Variants in TRAPPC9 observed in about 807,000 individuals in gnomAD.
TRAPPC9 encodes IKK2 binding protein.
Under a neutral mutation model 124.0 loss-of-function variants are expected in TRAPPC9, and 83 were observed. The ratio of observed to expected loss-of-function variants is 0.67; its 90% CI spans 0.56 to 0.80. The LOEUF is 0.80. Among genes scored for constraint, TRAPPC9 ranks in the 30% least tolerant of loss-of-function variants. The probability of loss-of-function intolerance (pLI) is 0.00; values close to 1 mark genes in which losing one functional copy is unlikely to be tolerated. For synonymous variants in TRAPPC9, 638 were observed against 617.5 expected (o/e 1.03, Z -0.49); for missense variants, 1,302 against 1,508.3 (o/e 0.86, Z 2.27).
At chr8:140,272,494 G>A (rs1292457189) in intron 15 of TRAPPC9, among the ~76,000 whole-genome samples, 3 of 150,328 alleles carry the variant, frequency 2.0e-5, no homozygotes, top group Non-Finnish European at 4.4e-5. Context: ...TGGCAGCGGT[G>A]ATGCCGGTGG....
chr8:139,727,849 G>C lies in TRAPPC9; in HGVS notation c.*3212C>G, dbSNP rs533941994. 2.6e-5 allele frequency among the ~76,000 whole-genome samples: 4 copies of C among 152,226 alleles called. No homozygotes were observed. In the South Asian group the frequency reaches 8.3e-4, roughly 32 times the overall value. ...TTACCTAATACATTAAGCCATGCAG[G>C]GGACTAACGGAGCATAGCAATGTGG... On this transcript the variant is annotated 3_prime_UTR_variant, in exon 23 of 23. Transcript: ENST00000438773.
intron 16 of TRAPPC9, among the ~76,000 whole-genome samples, chr8:140,235,825 A>G (rs1048287309): frequency 6.6e-6 from 1 of 152,224 alleles, no homozygotes; most frequent in South Asian, 2.1e-4. Context: ...TAACAGCCCA[A>G]AAGTAAAAAC....
intron 2 of TRAPPC9, among the ~76,000 whole-genome samples, chr8:140,446,281 A>G (rs1309463846): frequency 1.6e-5 from 2 of 127,312 alleles, no homozygotes; most frequent in Non-Finnish European, 3.3e-5. Context: ...GCGAAAGAGT[A>G]AGACTCTGTC....
intron 7 of TRAPPC9, among the ~76,000 whole-genome samples, chr8:140,387,181 G>A (rs2068777505): frequency 6.6e-6 from 1 of 152,140 alleles, no homozygotes; most frequent in Admixed American, 6.5e-5. Flanking sequence ...ATGGATTAAA[G>A]ACTTAAATGT....
chr8:140,048,194 A>C (rs1841745580), intron 17 of TRAPPC9, among the ~76,000 whole-genome samples: 1 of 152,252 alleles, frequency 6.6e-6, no homozygotes, highest in African/African-American at 2.4e-5. Context: ...CTTGTCTAGA[A>C]GATGAGGCAG....
chr8:140,437,154 TA>T (rs1443259532), intron 3 of TRAPPC9, among the ~76,000 whole-genome samples: 262 of 118,544 alleles, frequency 2.2e-3, no homozygotes, highest in African/African-American at 6.5e-3. Flanking sequence ...TATTTTATTT[TA>T]TTTTATTTTG....
intron 2 of TRAPPC9, among the ~76,000 whole-genome samples, chr8:140,449,021 T>G (rs2071366184): frequency 2.0e-5 from 3 of 152,172 alleles, no homozygotes; most frequent in Non-Finnish European, 4.4e-5. Flanking sequence ...TATGCACATT[T>G]GGGTGAAGAA....
At chr8:140,134,619 T>C (rs1180432909) in intron 17 of TRAPPC9, among the ~76,000 whole-genome samples, 2 of 152,188 alleles carry the variant, frequency 1.3e-5, no homozygotes, top group Non-Finnish European at 2.9e-5. Flanking sequence ...CACCAAATAT[T>C]ACTGGTACAA....
chr8:139,781,456 A>T (rs980768766), intron 21 of TRAPPC9, among the ~76,000 whole-genome samples: 3 of 152,220 alleles, frequency 2.0e-5, no homozygotes, highest in Admixed American at 6.5e-5. Flanking sequence ...AGGCCAAACA[A>T]TAGGGGTTAG....
intron 21 of TRAPPC9, among the ~76,000 whole-genome samples, chr8:139,738,898 C>T (rs1336989868): frequency 2.0e-5 from 3 of 152,098 alleles, no homozygotes; most frequent in Admixed American, 6.5e-5. Context: ...TTGGAATGGT[C>T]GCACCTTCCT....
chr8:140,320,956 T>A (rs2066576330), intron 9 of TRAPPC9, among the ~76,000 whole-genome samples: 1 of 152,228 alleles, frequency 6.6e-6, no homozygotes, highest in African/African-American at 2.4e-5. Flanking sequence ...CAACTTCCAC[T>A]TCTAGAGCAG....
At chr8:140,037,701 CACAG>C (rs1587556996) in intron 17 of TRAPPC9, among the ~76,000 whole-genome samples, 3 of 133,512 alleles carry the variant, frequency 2.2e-5, no homozygotes, top group East Asian at 2.2e-4. Flanking sequence ...CACACACGTA[CACAG>C]ACACACATAC....
intron 17 of TRAPPC9, chr8:140,096,499 T>C (rs1293769697): frequency 6.6e-6 from 1 of 152,020 alleles, no homozygotes; most frequent in African/African-American, 2.4e-5. Context: ...CCTGAATCCG[T>C]GAAAAGAAGG....
At chr8:140,000,455 A>G (rs548837111) in intron 18 of TRAPPC9, among the ~76,000 whole-genome samples, 12 of 152,326 alleles carry the variant, frequency 7.9e-5, no homozygotes, top group Admixed American at 2.6e-4. Flanking sequence ...AACCTACAGA[A>G]TGGGAGAAAA....
At chr8:140,390,468 G>A (rs917611741) in intron 7 of TRAPPC9, among the ~76,000 whole-genome samples, 2 of 152,288 alleles carry the variant, frequency 1.3e-5, no homozygotes, top group African/African-American at 2.4e-5. Flanking sequence ...CCCACAGCAC[G>A]GATATGGGGC....
intron 19 of TRAPPC9, among the ~76,000 whole-genome samples, chr8:139,985,167 T>C (rs993974167): frequency 1.3e-5 from 2 of 152,180 alleles, no homozygotes; most frequent in African/African-American, 4.8e-5. Flanking sequence ...CAAAAAAGCC[T>C]GAAGCACAAG....
chr8:139,954,952 G>A (rs909956498), intron 19 of TRAPPC9, among the ~76,000 whole-genome samples: 1 of 152,164 alleles, frequency 6.6e-6, no homozygotes, highest in Non-Finnish European at 1.5e-5. Context: ...AGTTAATCTG[G>A]TAATTTTATT....
At position 140,306,731 on chromosome 8, in the gene TRAPPC9, C is replaced by A. The variant is rs566336821; in HGVS notation, c.1622+4517G>T. ...CAGCCCTCTGCATCAGAAAGTGCCACAAGTCCAAGGAAGAGAACATGCAGT... is the reference window on the plus strand; with the variant it reads ...CAGCCCTCTGCATCAGAAAGTGCCAAAAGTCCAAGGAAGAGAACATGCAGT... On this transcript the variant is annotated intron_variant, in intron 10 of 22. Coordinates refer to ENST00000438773, the MANE Select transcript of TRAPPC9 (RefSeq NM_001160372.4). 6.6e-5 allele frequency among the ~76,000 whole-genome samples: 10 copies of A among 152,316 alleles called. No individual in the cohort carries two copies. In the South Asian group the frequency reaches 2.1e-3, roughly 32 times the overall value.
chr8:140,249,448 G>A lies in TRAPPC9; in HGVS notation c.2431+3329C>T, dbSNP rs150510509. Reference sequence around the variant, plus strand: ...TTCACTACTGATGGCCACTTAGGTCGATTCCACATATTTGGTATTGTAAAT... The same window carrying A: ...TTCACTACTGATGGCCACTTAGGTCAATTCCACATATTTGGTATTGTAAAT... On this transcript the variant is annotated intron_variant, in intron 16 of 22. Transcript: ENST00000438773. 3.0e-3 allele frequency among the ~76,000 whole-genome samples: 462 copies of A among 152,112 alleles called. 2 individuals are homozygous for A. Among genetic ancestry groups the A allele is most frequent in the African/African-American group, 1.0e-2 (414 of 41,478 alleles).
Sources: allele counts gnomAD v4.1 joint callset (sites outside exome capture counted in the v4.1 genomes callset), GRCh38; gene constraint gnomAD v4.1.1; transcripts MANE v1.5; gene names NCBI Gene and HGNC (gene_info 2026-07-23, HGNC 2026-07-21).